The following SHTN1 variants were observed in gnomAD, a reference collection of about 807,000 sequenced individuals.
The protein encoded by SHTN1 is shootin 1, also known as shootin-1.
A neutral mutation model predicts 83.1 loss-of-function variants in SHTN1; 42 were observed. The observed-to-expected ratio is 0.51, with a 90% CI of 0.39 to 0.65. SHTN1 has a LOEUF of 0.65. Ranked by LOEUF, SHTN1 falls within the 30% of genes least tolerant of loss-of-function variation. The pLI is 0.00. For synonymous variants in SHTN1, 224 were observed against 247.7 expected, an observed-to-expected ratio of 0.90 and a Z score of 0.90; for missense variants, 622 against 737.8, an observed-to-expected ratio of 0.84 and a Z score of 1.82.
In SHTN1 at chr10:116,944,942, T is replaced by C. The variant is rs533381707; in HGVS notation, c.693A>G (p.Ala231=). 6.2e-7 allele frequency: 1 copy of C among 1,608,948 alleles called. No homozygotes were observed. Among genetic ancestry groups the C allele is most frequent in the South Asian group, 1.1e-5 (1 of 90,982 alleles). Residue 231 remains alanine (A), a synonymous_variant, in exon 8 of 17, where the codon GCA becomes GCG. Transcript: ENST00000355371. ...TACCCACCTCTTGTGCAAATGACTC[T>C]GCTTTCTTTCGAAGGTCCTTCTCCA... ...LELEKDLRKK[A]ESFAQEMFIE...
In SHTN1 at chr10:117,111,898, G is replaced by A. The variant is rs541665772; in HGVS notation, c.-189+14409C>T. On this transcript the variant is annotated intron_variant, in intron 1 of 17. Coordinates refer to the SHTN1 transcript ENST00000392901. ...CCTAAGGCACCTGTGATGACCCTCT[G>A]TAGTTGGGAAGACCCAAACCAAGTT... Among the ~76,000 whole-genome samples, 15 of 152,262 alleles carry A rather than the reference G, an allele frequency of 9.9e-5. 1 individual carries two copies. Among genetic ancestry groups the A allele is most frequent in the African/African-American group, 3.4e-4 (14 of 41,540 alleles).
At chr10:116,982,429 A>G (rs556522632) in intron 1 of SHTN1, among the ~76,000 whole-genome samples, 1 of 151,926 alleles carries the variant, frequency 6.6e-6, no homozygotes, top group East Asian at 1.9e-4. Flanking sequence ...ATGCACACAC[A>G]TACACACACA....
chr10:116,905,328 G>A (rs180944169), intron 15 of SHTN1, among the ~76,000 whole-genome samples: 32 of 152,222 alleles, frequency 2.1e-4, no homozygotes, highest in Non-Finnish European at 4.1e-4. Context: ...ATGTTACGGG[G>A]AGGCTGCATA....
At chr10:116,993,102 G>A (rs1424115230) in intron 1 of SHTN1, among the ~76,000 whole-genome samples, 2 of 135,824 alleles carry the variant, frequency 1.5e-5, no homozygotes, top group African/African-American at 2.8e-5. Flanking sequence ...TGCAACCTCC[G>A]CCTCCCGGGT....
chr10:117,090,900 C>T (rs1293459075), intron 1 of SHTN1, among the ~76,000 whole-genome samples: 1 of 152,052 alleles, frequency 6.6e-6, no homozygotes, highest in Non-Finnish European at 1.5e-5. Flanking sequence ...AAGGATCTGA[C>T]TGTTGGGGTG....
At chr10:116,936,800 T>C (rs1156400657) in intron 9 of SHTN1, among the ~76,000 whole-genome samples, 4 of 152,312 alleles carry the variant, frequency 2.6e-5, no homozygotes, top group Non-Finnish European at 5.9e-5. Context: ...GGAGTCTTTA[T>C]CTCTTTATAT....
chr10:116,988,366 A>G lies in SHTN1; in HGVS notation c.59-9058T>C, dbSNP rs545492591. Reference sequence around the variant, plus strand: ...CAAATTTGTGCCATAGAGGATCTGAAATGGAATCAAGCCTAAAGGATCTTG... The same window carrying G: ...CAAATTTGTGCCATAGAGGATCTGAGATGGAATCAAGCCTAAAGGATCTTG... On this transcript the variant is annotated intron_variant, in intron 1 of 16. Transcript: ENST00000355371. 7.4e-4 allele frequency among the ~76,000 whole-genome samples: 112 copies of G among 151,928 alleles called. 3 individuals carry two copies. The South Asian group carries it at 0.022, about 30-fold the overall frequency.
At chr10:117,025,273 C>A (rs1279070749) in intron 2 of SHTN1, among the ~76,000 whole-genome samples, 1 of 152,116 alleles carries the variant, frequency 6.6e-6, no homozygotes, top group African/African-American at 2.4e-5. Flanking sequence ...GAGGGATTGA[C>A]CCAGTACTGC....
chr10:116,906,848 G>A lies in SHTN1; in HGVS notation c.1360-101C>T, dbSNP rs192150942. 7.2e-4 allele frequency: 698 copies of A among 969,452 alleles called. 1 individual carries two copies. Among genetic ancestry groups the A allele is most frequent in the Admixed American group, 1.8e-3 (53 of 30,166 alleles). The allele number at this position is 969,452 out of a possible 1,614,324, so 60.1% of individuals were successfully genotyped here. On this transcript the variant is annotated intron_variant, in intron 14 of 16. Coordinates refer to ENST00000355371, the MANE Select transcript of SHTN1 (RefSeq NM_001127211.3). The stretch of plus-strand genomic sequence containing the variant: ...ATGAAAACATTACCAGAATTTGAAT[G>A]GAATTATGAAACAAAATGAATTTGC...
At chr10:117,025,477 C>T (rs1044497243) in intron 2 of SHTN1, among the ~76,000 whole-genome samples, 8 of 152,278 alleles carry the variant, frequency 5.3e-5, no homozygotes, top group African/African-American at 1.9e-4. Context: ...GACACAAAGG[C>T]AGCACCTCCT....
At chr10:116,975,613 T>G (rs1257002706) in intron 2 of SHTN1, among the ~76,000 whole-genome samples, 1 of 150,196 alleles carries the variant, frequency 6.7e-6, no homozygotes, top group Non-Finnish European at 1.5e-5. Flanking sequence ...CCTTATAAAC[T>G]CAAACAAATT....
At chr10:116,947,103 T>C (rs959288179) in intron 7 of SHTN1, among the ~76,000 whole-genome samples, 2 of 152,132 alleles carry the variant, frequency 1.3e-5, no homozygotes, top group African/African-American at 4.8e-5. Context: ...GAATCAGAGC[T>C]TTGTACCAAG....
chr10:116,941,107 T>C (rs1056044552), intron 8 of SHTN1, among the ~76,000 whole-genome samples: 1 of 152,174 alleles, frequency 6.6e-6, no homozygotes, highest in African/African-American at 2.4e-5. Context: ...ACTACTATCA[T>C]CTAATTTTAC....
chr10:116,914,900 C>A (rs149542910), intron 13 of SHTN1, among the ~76,000 whole-genome samples: 2 of 152,238 alleles, frequency 1.3e-5, no homozygotes, highest in East Asian at 3.9e-4. Flanking sequence ...TCACTATTTT[C>A]CCCAGAGTTG....
intron 3 of SHTN1, among the ~76,000 whole-genome samples, chr10:116,964,522 A>G (rs1850320291): frequency 1.3e-5 from 2 of 152,254 alleles, no homozygotes; most frequent in South Asian, 4.1e-4. Context: ...TTAGATGTAG[A>G]ATATCTCTAA....
At chr10:117,107,480 G>A (rs1412804427) in intron 1 of SHTN1, among the ~76,000 whole-genome samples, 3 of 151,942 alleles carry the variant, frequency 2.0e-5, no homozygotes, top group East Asian at 3.9e-4. Context: ...ATCTACCCTC[G>A]CATTGTCAAC....
At chr10:116,935,071 C>T (rs1028362736) in intron 9 of SHTN1, among the ~76,000 whole-genome samples, 27 of 152,218 alleles carry the variant, frequency 1.8e-4, no homozygotes, top group African/African-American at 3.6e-4. Context: ...TGGGCTGAAA[C>T]GATGGGGTTT....
intron 9 of SHTN1, among the ~76,000 whole-genome samples, chr10:116,934,395 G>A (rs187556694): frequency 2.5e-3 from 383 of 152,234 alleles, no homozygotes; most frequent in Non-Finnish European, 4.4e-3. Context: ...TGGCTAGCCC[G>A]TTTTCCCAAC....
upstream of SHTN1, among the ~76,000 whole-genome samples, chr10:117,005,864 G>T (rs1851997957): frequency 6.6e-6 from 1 of 152,234 alleles, no homozygotes; most frequent in Non-Finnish European, 1.5e-5. Context: ...AGATCATCTG[G>T]TTGGTGGCGG....
Sources: allele counts gnomAD v4.1 joint callset (sites outside exome capture counted in the v4.1 genomes callset), GRCh38; gene constraint gnomAD v4.1.1; transcripts MANE v1.5; gene names NCBI Gene and HGNC (gene_info 2026-07-23, HGNC 2026-07-21).